ZSWIM5: variants seen among roughly 807,000 people sequenced by gnomAD.
ZSWIM5 encodes the protein zinc finger SWIM domain-containing protein 5.
ZSWIM5 carries 55 observed loss-of-function variants against 119.6 expected under a neutral mutation model. That is an observed-to-expected ratio of 0.46 (90% CI 0.37 to 0.58). ZSWIM5 has a LOEUF of 0.58. ZSWIM5 is among the 20% of genes least tolerant of loss of function. The pLI, the probability that ZSWIM5 is intolerant of heterozygous loss-of-function variation, is 0.00. For synonymous variants in ZSWIM5, 537 were observed against 606.9 expected, an observed-to-expected ratio of 0.88 and a Z score of 1.69; for missense variants, 1,193 against 1,512.8, an observed-to-expected ratio of 0.79 and a Z score of 3.51.
At chr1:45,167,567 C>G (rs1645913994) in intron 1 of ZSWIM5, among the ~76,000 whole-genome samples, 1 of 152,068 alleles carries the variant, frequency 6.6e-6, no homozygotes, top group Admixed American at 6.6e-5. Flanking sequence ...TTTTTGCAAT[C>G]TACCCATCTG....
chr1:45,083,333 C>T (rs1193562868), intron 2 of ZSWIM5, among the ~76,000 whole-genome samples: 4 of 152,052 alleles, frequency 2.6e-5, no homozygotes, highest in Admixed American at 6.5e-5. Flanking sequence ...TCATTGCAGC[C>T]TTGACATCCT....
At chr1:45,037,732 C>T (rs940629021) in intron 8 of ZSWIM5, among the ~76,000 whole-genome samples, 2 of 152,180 alleles carry the variant, frequency 1.3e-5, no homozygotes, top group Non-Finnish European at 2.9e-5. Context: ...CTTGGGGCCA[C>T]CCCTTATATC....
chr1:45,111,156 C>T (rs1254462052), intron 1 of ZSWIM5, among the ~76,000 whole-genome samples: 1 of 152,092 alleles, frequency 6.6e-6, no homozygotes, highest in East Asian at 1.9e-4. Context: ...GGAAAAACTT[C>T]CAGGCAGAAG....
chr1:45,133,336 G>T (rs1645670078), intron 1 of ZSWIM5, among the ~76,000 whole-genome samples: 2 of 152,138 alleles, frequency 1.3e-5, no homozygotes, highest in African/African-American at 4.8e-5. Context: ...TCTCATTGTG[G>T]TTTTGATTTG....
intron 1 of ZSWIM5, among the ~76,000 whole-genome samples, chr1:45,141,034 C>T (rs145434034): frequency 1.3e-3 from 200 of 152,256 alleles, no homozygotes; most frequent in African/African-American, 4.5e-3. Flanking sequence ...ACTCCTAATA[C>T]TCAGAGAGAG....
chr1:45,198,674 C>A (rs748193532), intron 1 of ZSWIM5, among the ~76,000 whole-genome samples: 3 of 152,166 alleles, frequency 2.0e-5, no homozygotes, highest in African/African-American at 7.2e-5. Context: ...CCTGATTTGG[C>A]TCCTTCTGAC....
At chr1:45,181,594 C>T (rs899479555) in intron 1 of ZSWIM5, among the ~76,000 whole-genome samples, 1 of 151,994 alleles carries the variant, frequency 6.6e-6, no homozygotes. Context: ...CACAAAGATA[C>T]TCCTCGAGAA....
intron 1 of ZSWIM5, among the ~76,000 whole-genome samples, chr1:45,118,910 A>G (rs1258885035): frequency 6.6e-6 from 1 of 152,210 alleles, no homozygotes; most frequent in Non-Finnish European, 1.5e-5. Context: ...AGCTTATAAT[A>G]GAGAGGAGCA....
chr1:45,051,299 T>C lies in ZSWIM5; in HGVS notation c.1253-46A>G, dbSNP rs916631706. 3 of 1,562,126 alleles carry C rather than the reference T, an allele frequency of 1.9e-6. No individual in the cohort carries two copies. The African/African-American group carries it at 4.1e-5, about 21-fold the overall frequency. ...TATTCTTAACATCTCTCCTTTGATG[T>C]GTGTGTAAGCCTTAATGTTTCAGTT... is the stretch of plus-strand genomic sequence containing the variant. On this transcript the variant is annotated intron_variant, in intron 4 of 13. Coordinates refer to ENST00000359600, the MANE Select transcript of ZSWIM5 (RefSeq NM_020883.2).
intron 1 of ZSWIM5, among the ~76,000 whole-genome samples, chr1:45,133,427 C>T (rs929301716): frequency 9.9e-5 from 15 of 152,072 alleles, no homozygotes; most frequent in South Asian, 2.1e-4. Flanking sequence ...GAGAAGTGTC[C>T]ATTCATATCC....
At chr1:45,031,578 G>C (rs572811251) in intron 11 of ZSWIM5, among the ~76,000 whole-genome samples, 1 of 151,746 alleles carries the variant, frequency 6.6e-6, no homozygotes, top group Non-Finnish European at 1.5e-5. Context: ...AGTGGCTAAC[G>C]CCTGTAATCC....
intron 1 of ZSWIM5, among the ~76,000 whole-genome samples, chr1:45,141,515 T>C (rs1645727318): frequency 6.6e-6 from 1 of 152,122 alleles, no homozygotes; most frequent in Non-Finnish European, 1.5e-5. Flanking sequence ...TTCATTGGAA[T>C]TATAGGCCAT....
chr1:45,105,384 T>C (rs1404438812), intron 1 of ZSWIM5, among the ~76,000 whole-genome samples: 2 of 152,210 alleles, frequency 1.3e-5, no homozygotes, highest in African/African-American at 2.4e-5. Context: ...GTCTAGGAAG[T>C]GAGCAGCGTC....
intron 1 of ZSWIM5, among the ~76,000 whole-genome samples, chr1:45,113,591 A>T (rs1238494729): frequency 6.6e-6 from 1 of 152,228 alleles, no homozygotes; most frequent in Non-Finnish European, 1.5e-5. Context: ...ATGGATTGAA[A>T]GAGAGAAACT....
intron 2 of ZSWIM5, among the ~76,000 whole-genome samples, chr1:45,062,044 C>T (rs1158371585): frequency 3.3e-5 from 5 of 152,052 alleles, no homozygotes; most frequent in Admixed American, 2.6e-4. Flanking sequence ...GAGCCGAGAT[C>T]GTGCCACTGC....
At chr1:45,022,821 C>G (rs1412606469) in intron 11 of ZSWIM5, among the ~76,000 whole-genome samples, 2 of 152,186 alleles carry the variant, frequency 1.3e-5, no homozygotes, top group African/African-American at 4.8e-5. Flanking sequence ...CATAACCTAC[C>G]ATCATACCCT....
intron 1 of ZSWIM5, among the ~76,000 whole-genome samples, chr1:45,102,703 G>A (rs1407266779): frequency 6.6e-6 from 1 of 152,046 alleles, no homozygotes; most frequent in Non-Finnish European, 1.5e-5. Flanking sequence ...GATTAAGCAT[G>A]TTTATAAAAT....
intron 1 of ZSWIM5, among the ~76,000 whole-genome samples, chr1:45,118,572 C>G (rs941865188): frequency 6.6e-6 from 1 of 151,876 alleles, no homozygotes; most frequent in Non-Finnish European, 1.5e-5. Context: ...GAAACCCCAT[C>G]TCTACAAAAA....
intron 1 of ZSWIM5, among the ~76,000 whole-genome samples, chr1:45,160,230 T>G (rs1460069424): frequency 6.6e-6 from 1 of 152,218 alleles, no homozygotes; most frequent in African/African-American, 2.4e-5. Context: ...ATGCATAGAA[T>G]GTGTAATGAT....
Sources: gnomAD v4.1 joint callset for allele counts (sites outside exome capture counted in the v4.1 genomes callset) on GRCh38, gnomAD v4.1.1 for gene constraint, MANE v1.5 for transcripts, NCBI Gene and HGNC (gene_info 2026-07-23, HGNC 2026-07-21) for gene names.